The following CDH18 variants were observed in gnomAD, a reference collection of about 807,000 sequenced individuals.
CDH18 encodes the protein cadherin-18.
Under a neutral mutation model 67.9 loss-of-function variants are expected in CDH18, and 31 were observed. The observed-to-expected ratio is 0.46, with a 90% CI of 0.34 to 0.62. The LOEUF (loss-of-function observed/expected upper bound fraction) is 0.62, where lower values mean the gene tolerates loss of function less well. Among genes scored for constraint, CDH18 ranks in the 20% least tolerant of loss-of-function variants. The pLI, the probability that CDH18 is intolerant of heterozygous loss-of-function variation, is 0.01. For missense variants in CDH18, 890 were observed against 975.5 expected (o/e 0.91, Z 1.17); for synonymous variants, 362 against 347.2 (o/e 1.04, Z -0.48).
At chr5:20,393,497 A>G (rs1394012400) in intron 1 of CDH18, among the ~76,000 whole-genome samples, 2 of 152,008 alleles carry the variant, frequency 1.3e-5, no homozygotes, top group Admixed American at 6.6e-5. Context: ...TTCCTGATGC[A>G]GTAACTAAGT....
intron 1 of CDH18, among the ~76,000 whole-genome samples, chr5:20,377,515 C>G (rs1743560190): frequency 2.6e-5 from 4 of 152,110 alleles, no homozygotes; most frequent in Admixed American, 2.6e-4. Context: ...GTCTCAAGTA[C>G]TGTTATTCGA....
At chr5:20,525,801 TACAC>T (rs61256041) in intron 1 of CDH18, among the ~76,000 whole-genome samples, 264 of 148,898 alleles carry the variant, frequency 1.8e-3, no homozygotes, top group African/African-American at 5.1e-3. Flanking sequence ...GCTTCCACTA[TACAC>T]ACACACACAC....
intron 3 of CDH18, among the ~76,000 whole-genome samples, chr5:19,758,083 C>G (rs542719681): frequency 4.1e-4 from 63 of 152,260 alleles, no homozygotes; most frequent in African/African-American, 1.5e-3. Flanking sequence ...GAGTGGAGAC[C>G]ATGGGCATTT....
At chr5:20,215,387 C>G (rs529619781) in intron 2 of CDH18, among the ~76,000 whole-genome samples, 1 of 151,722 alleles carries the variant, frequency 6.6e-6, no homozygotes, top group African/African-American at 2.4e-5. Context: ...GGATACATCT[C>G]CTGTGCAGGA....
At chr5:20,139,144 C>A (rs1345548054) in intron 2 of CDH18, among the ~76,000 whole-genome samples, 2 of 151,860 alleles carry the variant, frequency 1.3e-5, no homozygotes, top group African/African-American at 2.4e-5. Flanking sequence ...CAGAACAGAG[C>A]CCTCAGAAAT....
chr5:20,262,168 C>T (rs1403119025), intron 1 of CDH18, among the ~76,000 whole-genome samples: 1 of 152,174 alleles, frequency 6.6e-6, no homozygotes, highest in Non-Finnish European at 1.5e-5. Context: ...TTTGTTATAA[C>T]ACTTAAACAG....
chr5:19,948,578 T>A (rs1369376111), intron 2 of CDH18, among the ~76,000 whole-genome samples: 1 of 152,148 alleles, frequency 6.6e-6, no homozygotes, highest in East Asian at 1.9e-4. Context: ...GCTAGGGCAG[T>A]TCTGCATCTT....
At chr5:20,419,497 A>C (rs1747670713) in intron 1 of CDH18, among the ~76,000 whole-genome samples, 1 of 80,436 alleles carries the variant, frequency 1.2e-5, no homozygotes, top group Non-Finnish European at 2.4e-5. Flanking sequence ...TTTTTTTGAG[A>C]TGGAGTCTCG....
At chr5:19,802,934 G>A (rs546225888) in intron 3 of CDH18, among the ~76,000 whole-genome samples, 3 of 152,362 alleles carry the variant, frequency 2.0e-5, no homozygotes, top group South Asian at 4.1e-4. Context: ...AGGTGTCAGC[G>A]TGGCTGCACT....
At chr5:19,866,158 G>A (rs1561470687) in intron 2 of CDH18, among the ~76,000 whole-genome samples, 1 of 152,184 alleles carries the variant, frequency 6.6e-6, no homozygotes, top group Admixed American at 6.5e-5. Context: ...TAAAACACAT[G>A]AAGCATTTTC....
chr5:19,536,759 T>C (rs1416091157), intron 9 of CDH18, among the ~76,000 whole-genome samples: 2 of 152,134 alleles, frequency 1.3e-5, no homozygotes, highest in African/African-American at 4.8e-5. Flanking sequence ...TCTGATTCAC[T>C]AGATCTGGGC....
chr5:19,704,601 A>G (rs958726843), intron 5 of CDH18, among the ~76,000 whole-genome samples: 4 of 152,140 alleles, frequency 2.6e-5, no homozygotes, highest in African/African-American at 7.2e-5. Flanking sequence ...AGTTTAGGAT[A>G]TTATTTTTGA....
intron 3 of CDH18, among the ~76,000 whole-genome samples, chr5:19,787,554 G>C (rs190038517): frequency 7.9e-5 from 12 of 152,038 alleles, no homozygotes; most frequent in African/African-American, 2.9e-4. Context: ...TGTTTCCATA[G>C]GAAGGTACAT....
Position 20,460,688 on chromosome 5 carries a change from A to T in CDH18, c.-580+114774T>A, listed in dbSNP as rs373536236. On this transcript the variant is annotated intron_variant, in intron 1 of 14. Coordinates refer to the CDH18 transcript ENST00000507958. ...CATTAAGGAGAGGAAAGAGAGATAG[A>T]ATTCTGCTATGGATGAACTCTGTTT... Among the ~76,000 whole-genome samples the T allele has an allele frequency of 4.6e-5, 7 of 152,254 alleles. No individual in the cohort carries two copies. The East Asian group carries it at 1.2e-3, about 25-fold the overall frequency.
chr5:19,988,801 A>G (rs572304948), upstream of CDH18, among the ~76,000 whole-genome samples: 385 of 152,290 alleles, frequency 2.5e-3, 3 homozygotes, highest in African/African-American at 8.9e-3. Flanking sequence ...GTCCAGTGGT[A>G]GCCATGAGAT....
At chr5:19,907,365 G>A (rs940210707) in intron 2 of CDH18, among the ~76,000 whole-genome samples, 3 of 151,924 alleles carry the variant, frequency 2.0e-5, no homozygotes, top group African/African-American at 7.2e-5. Context: ...TGCATAATGA[G>A]ATATGTTGGG....
At chr5:20,406,673 A>G (rs1303859787) in intron 1 of CDH18, among the ~76,000 whole-genome samples, 1 of 152,194 alleles carries the variant, frequency 6.6e-6, no homozygotes, top group Non-Finnish European at 1.5e-5. Context: ...AGGGAGCACT[A>G]TTAATGTTAT....
chr5:19,985,479 T>C (rs1246676252), intron 1 of CDH18, among the ~76,000 whole-genome samples: 4 of 151,992 alleles, frequency 2.6e-5, no homozygotes, highest in Non-Finnish European at 5.9e-5. Flanking sequence ...GTTAACAATG[T>C]CTAACAATGT....
chr5:19,559,568 G>A (rs1739068530), intron 8 of CDH18, among the ~76,000 whole-genome samples: 2 of 151,206 alleles, frequency 1.3e-5, no homozygotes, highest in Non-Finnish European at 3.0e-5. Context: ...CAGCCAACAG[G>A]GTAAAGTTAA....
Sources: gnomAD v4.1 joint callset for allele counts (sites outside exome capture counted in the v4.1 genomes callset) on GRCh38, gnomAD v4.1.1 for gene constraint, MANE v1.5 for transcripts, NCBI Gene and HGNC (gene_info 2026-07-23, HGNC 2026-07-21) for gene names.